The following TTLL7 variants were observed in gnomAD, a reference collection of about 807,000 sequenced individuals.
TTLL7 encodes the protein tubulin tyrosine ligase like 7.
In TTLL7, 53 loss-of-function variants were observed where a neutral mutation model predicts 120.2. That is an observed-to-expected ratio of 0.44 (90% confidence interval 0.35 to 0.55). The LOEUF is 0.55. TTLL7 is among the 20% of genes least tolerant of loss of function. The pLI is 0.00. For missense variants in TTLL7, 803 were observed against 1,054.7 expected (o/e 0.76, Z 3.31); for synonymous variants, 353 against 351.7 (o/e 1.00, Z -0.04).
At chr1:83,916,164 T>C (rs948505900) in intron 14 of TTLL7, among the ~76,000 whole-genome samples, 1 of 152,198 alleles carries the variant, frequency 6.6e-6, no homozygotes, top group African/African-American at 2.4e-5. Flanking sequence ...GGATTATAAA[T>C]CATGCTGCTA....
At chr1:83,875,181 ATT>A (rs2100696732) in intron 20 of TTLL7, among the ~76,000 whole-genome samples, 1 of 152,046 alleles carries the variant, frequency 6.6e-6, no homozygotes, top group East Asian at 1.9e-4. Context: ...GTTAACCACT[ATT>A]CTGACCTTTA....
At position 83,867,573 on chromosome 1, in the gene TTLL7, T is replaced by C. The variant is rs568677676; in HGVS notation, c.*2389A>G. 6.6e-6 allele frequency: 1 copy of C among 152,052 alleles called. No homozygotes were observed. The highest frequency in any genetic ancestry group is 1.9e-4 in the East Asian group (1 of 5,184). 9.4% of individuals were successfully genotyped at this position (152,052 alleles called of 1,614,324 possible). On this transcript the variant is annotated 3_prime_UTR_variant, in exon 21 of 21. Transcript: ENST00000260505. Reference sequence around the variant, plus strand: ...GTGTGTTTTCTGTGAGGAGTGTTTCTCCTAGTGATGGGCATTCTTATTTTT... The same window carrying C: ...GTGTGTTTTCTGTGAGGAGTGTTTCCCCTAGTGATGGGCATTCTTATTTTT...
At chr1:83,884,168 G>C (rs1234810717) in intron 19 of TTLL7, among the ~76,000 whole-genome samples, 1 of 151,740 alleles carries the variant, frequency 6.6e-6, no homozygotes, top group East Asian at 1.9e-4. Context: ...GAGAGAGAGA[G>C]AGAGATTTAT....
intron 2 of TTLL7, 69 bp from the exon 3 acceptor site, chr1:83,952,045 A>G: frequency 1.3e-6 from 2 of 1,506,816 alleles, no homozygotes; most frequent in Non-Finnish European, 1.8e-6. Context: ...CACAAATACC[A>G]CCCCCACCCC....
intron 1 of TTLL7, among the ~76,000 whole-genome samples, chr1:83,964,617 A>T (rs889516303): frequency 9.9e-5 from 15 of 152,086 alleles, no homozygotes; most frequent in Non-Finnish European, 7.4e-5. Flanking sequence ...CAACGTATAC[A>T]TTTTTCTTTC....
intron 1 of TTLL7, among the ~76,000 whole-genome samples, chr1:83,976,025 G>GTCTC (rs151019525): frequency 0.056 from 5,161 of 91,466 alleles, 101 homozygotes; most frequent in Middle Eastern, 0.1. Context: ...CTGAAATTTT[G>GTCTC]TCTCTCTCTG....
intron 1 of TTLL7, among the ~76,000 whole-genome samples, chr1:83,998,489 A>C (rs1357641722): frequency 6.6e-6 from 1 of 152,214 alleles, no homozygotes; most frequent in Non-Finnish European, 1.5e-5. Flanking sequence ...AGGGCCCTAG[A>C]CTTCACTCGC....
intron 19 of TTLL7, chr1:83,887,085 G>T: frequency 3.6e-6 from 1 of 276,452 alleles, no homozygotes; most frequent in Non-Finnish European, 6.0e-6. Flanking sequence ...TGATACATCA[G>T]CAAAACCCCT....
At chr1:83,897,154 G>A (rs757097251) in intron 18 of TTLL7, among the ~76,000 whole-genome samples, 15 of 151,984 alleles carry the variant, frequency 9.9e-5, no homozygotes, top group Non-Finnish European at 1.3e-4. Flanking sequence ...GACTCTGTGT[G>A]TATGTCATTC....
intron 18 of TTLL7, among the ~76,000 whole-genome samples, chr1:83,894,597 C>T (rs1656057890): frequency 6.6e-6 from 1 of 152,052 alleles, no homozygotes; most frequent in African/African-American, 2.4e-5. Context: ...TATTCTAGCC[C>T]ATACATGACT....
At position 83,914,630 on chromosome 1, in the gene TTLL7, T is replaced by C. The variant is rs1571167904; in HGVS notation, c.1587+2974A>G. On this transcript the variant is annotated intron_variant, in intron 14 of 20. Transcript: ENST00000260505. Reference sequence around the variant, plus strand: ...GAGGCGTGAGCCACCGTGCTCTGCCTCTTCCACCTCTCTTAATGCTTAGAG... The same window carrying C: ...GAGGCGTGAGCCACCGTGCTCTGCCCCTTCCACCTCTCTTAATGCTTAGAG... Among the ~76,000 whole-genome samples the C allele has an allele frequency of 3.9e-5, 6 of 152,230 alleles. 1 individual carries two copies. Among genetic ancestry groups the C allele is most frequent in the Admixed American group, 3.9e-4 (6 of 15,276 alleles).
intron 18 of TTLL7, among the ~76,000 whole-genome samples, chr1:83,892,328 G>GTATATATGAATATATACGAA: frequency 3.7e-5 from 1 of 26,820 alleles, no homozygotes; most frequent in South Asian, 1.3e-3. Context: ...GAATATATAT[G>GTATATATGAATATATACGAA]TATATATGAA....
At position 83,892,711 on chromosome 1, in the gene TTLL7, TGAAC is replaced by T. The variant is rs1353395468; in HGVS notation, c.2209-2234_2209-2231del. Among the ~76,000 whole-genome samples the T allele has an allele frequency of 2.9e-4, 43 of 149,594 alleles. 1 individual carries two copies. The highest frequency in any genetic ancestry group is 6.4e-4 in the South Asian group (3 of 4,708). Reference sequence around the variant, plus strand: ...ATATATGAACATATATATGAACATATGAACATATATATGTGAACACATATATATG... The same window carrying T: ...ATATATGAACATATATATGAACATATATATATATGTGAACACATATATATG... On this transcript the variant is annotated intron_variant, in intron 18 of 20. Coordinates refer to ENST00000260505, the MANE Select transcript of TTLL7 (RefSeq NM_024686.6).
In TTLL7 at chr1:83,991,618, T is replaced by C. The variant is rs145043731; in HGVS notation, c.-177+7313A>G. On this transcript the variant is annotated intron_variant, in intron 1 of 20. Coordinates refer to ENST00000260505, the MANE Select transcript of TTLL7 (RefSeq NM_024686.6). Reference sequence around the variant, plus strand: ...ATTATCACACCACTGCACTCCAGCCTAGGTGACAGAGGGAGACCTTGTCTC... The same window carrying C: ...ATTATCACACCACTGCACTCCAGCCCAGGTGACAGAGGGAGACCTTGTCTC... Among the ~76,000 whole-genome samples, 984 of 152,262 alleles carry C rather than the reference T, an allele frequency of 6.5e-3. 12 individuals are homozygous for C. The highest frequency in any genetic ancestry group is 0.023 in the African/African-American group (942 of 41,552).
intron 20 of TTLL7, among the ~76,000 whole-genome samples, chr1:83,881,312 A>G (rs1269178084): frequency 3.3e-5 from 5 of 150,400 alleles, no homozygotes; most frequent in African/African-American, 9.8e-5. Context: ...GCAACCTACA[A>G]AATGGGAGAA....
intron 19 of TTLL7, among the ~76,000 whole-genome samples, chr1:83,887,565 GT>G (rs1172502272): frequency 6.6e-6 from 1 of 152,078 alleles, no homozygotes; most frequent in Non-Finnish European, 1.5e-5. Flanking sequence ...ATTGAAAGAA[GT>G]AGATGAGATT....
In TTLL7 at chr1:83,892,458, A is replaced by G. The variant is rs574977673; in HGVS notation, c.2209-1977T>C. On this transcript the variant is annotated intron_variant, in intron 18 of 20. Coordinates refer to ENST00000260505, the MANE Select transcript of TTLL7 (RefSeq NM_024686.6). ...TATATGAACATATGAATGAACATAT[A>G]TGAACATATATATGAACATATGAAT... Among the ~76,000 whole-genome samples the G allele has an allele frequency of 9.2e-5, 3 of 32,560 alleles. 1 individual carries two copies. Among genetic ancestry groups the G allele is most frequent in the African/African-American group, 2.4e-4 (3 of 12,352 alleles). The allele number at this position is 32,560 out of a possible 152,430, so 21.4% of individuals were successfully genotyped here.
chr1:83,983,056 C>A (rs1652113916), intron 1 of TTLL7, among the ~76,000 whole-genome samples: 1 of 151,922 alleles, frequency 6.6e-6, no homozygotes. Context: ...AGGGGCCAGG[C>A]AATAAGGGCT....
chr1:83,976,033 CTGTGTGTGTGTGTGTGTGTGTGTGTGTG>C (rs34596192), intron 1 of TTLL7, among the ~76,000 whole-genome samples: 374 of 147,932 alleles, frequency 2.5e-3, no homozygotes, highest in African/African-American at 8.9e-3. Context: ...TTGTCTCTCT[CTGTGTGTGTGTGTGTGTGTGTGTGTGTG>C]TGTGTGTGTG....
Sources: gnomAD v4.1 joint callset for allele counts (sites outside exome capture counted in the v4.1 genomes callset) on GRCh38, gnomAD v4.1.1 for gene constraint, MANE v1.5 for transcripts, NCBI Gene and HGNC (gene_info 2026-07-23, HGNC 2026-07-21) for gene names.